HS2ST1: variants seen among roughly 807,000 people sequenced by gnomAD.
The protein encoded by HS2ST1 is heparan sulfate 2-O-sulfotransferase 1, also known as 2-O-sulfotransferase.
Under a neutral mutation model 42.9 loss-of-function variants are expected in HS2ST1, and 18 were observed. The ratio of observed to expected loss-of-function variants is 0.42; its 90% CI spans 0.29 to 0.62. The LOEUF (loss-of-function observed/expected upper bound fraction) is 0.62. Among genes scored for constraint, HS2ST1 ranks in the 20% least tolerant of loss-of-function variants. The pLI is 0.21. For synonymous variants in HS2ST1, 146 were observed against 152.9 expected (o/e 0.95, Z 0.33); for missense variants, 334 against 433.8 (o/e 0.77, Z 2.04).
At position 86,927,683 on chromosome 1, in the gene HS2ST1, C is replaced by T. The variant is rs183192925; in HGVS notation, c.124+12523C>T. On this transcript the variant is annotated intron_variant, in intron 1 of 6. Coordinates refer to ENST00000370550, the MANE Select transcript of HS2ST1 (RefSeq NM_012262.4). Reference sequence around the variant, plus strand: ...AAGGAGAGTTGTGTTGAAAACCCTTCGATTTTTGCTTGGTATGGTTAAGGA... The same window carrying T: ...AAGGAGAGTTGTGTTGAAAACCCTTTGATTTTTGCTTGGTATGGTTAAGGA... 3.8e-3 allele frequency among the ~76,000 whole-genome samples: 571 copies of T among 152,156 alleles called. 5 individuals carry two copies. Among genetic ancestry groups the T allele is most frequent in the Non-Finnish European group, 4.1e-3 (281 of 67,972 alleles).
chr1:87,044,571 A>G (rs961679697), intron 1 of HS2ST1, among the ~76,000 whole-genome samples: 18 of 152,250 alleles, frequency 1.2e-4, no homozygotes, highest in Admixed American at 2.6e-4. Context: ...TTTCTAGCCA[A>G]AAATAAAGGC....
intron 1 of HS2ST1, among the ~76,000 whole-genome samples, chr1:87,056,464 C>T (rs1650971831): frequency 6.6e-6 from 1 of 152,180 alleles, no homozygotes. Flanking sequence ...TCATAGAACA[C>T]TGTTTTTACT....
chr1:87,031,440 A>C lies in HS2ST1; in HGVS notation c.125-41494A>C, dbSNP rs1335280940. Among the ~76,000 whole-genome samples, 3 of 66,434 alleles carry C rather than the reference A, an allele frequency of 4.5e-5. No individual in the cohort carries two copies. In the East Asian group the frequency reaches 9.5e-3, roughly 210 times the overall value. 43.6% of individuals were successfully genotyped at this position (66,434 alleles called of 152,430 possible). A position where few individuals can be genotyped will look rare whatever the true frequency, so the allele number is the denominator to read the frequency against. ...CTGAACTAGATTATTTATAAGATTCATTCTACTCAGAGTGTGGTCCACGGA... is the reference window on the plus strand; with the variant it reads ...CTGAACTAGATTATTTATAAGATTCCTTCTACTCAGAGTGTGGTCCACGGA... On this transcript the variant is annotated intron_variant, in intron 1 of 6. Coordinates refer to ENST00000370550, the MANE Select transcript of HS2ST1 (RefSeq NM_012262.4).
At chr1:87,072,238 A>G (rs748449128) in intron 1 of HS2ST1, among the ~76,000 whole-genome samples, 2 of 152,044 alleles carry the variant, frequency 1.3e-5, no homozygotes, top group Non-Finnish European at 2.9e-5. Context: ...TTATGGTAGT[A>G]TTGTTTCTAC....
At chr1:87,086,263 C>T (rs1651813595) in intron 3 of HS2ST1, among the ~76,000 whole-genome samples, 1 of 152,068 alleles carries the variant, frequency 6.6e-6, no homozygotes, top group Admixed American at 6.6e-5. Context: ...CAAGTCCCTC[C>T]GTTGGCCCTG....
At chr1:86,964,292 G>T (rs1429941931) in intron 1 of HS2ST1, among the ~76,000 whole-genome samples, 1 of 152,188 alleles carries the variant, frequency 6.6e-6, no homozygotes, top group Non-Finnish European at 1.5e-5. Flanking sequence ...CAGGCGGCTG[G>T]GAGGTGGAGG....
chr1:86,976,180 A>G (rs542112591), intron 1 of HS2ST1, among the ~76,000 whole-genome samples: 1 of 152,336 alleles, frequency 6.6e-6, no homozygotes, highest in East Asian at 1.9e-4. Context: ...CTAAGTTGGA[A>G]ACCCTCATGG....
intron 1 of HS2ST1, among the ~76,000 whole-genome samples, chr1:87,010,881 G>C (rs770267098): frequency 6.6e-6 from 1 of 152,048 alleles, no homozygotes; most frequent in Non-Finnish European, 1.5e-5. Context: ...CACTTCCCGG[G>C]TTCAAGCGAT....
At position 87,016,643 on chromosome 1, in the gene HS2ST1, T is replaced by A. The variant is rs561173375; in HGVS notation, c.125-56291T>A. Among the ~76,000 whole-genome samples the A allele has an allele frequency of 9.2e-5, 14 of 152,272 alleles. No individual in the cohort carries two copies. In the East Asian group the frequency reaches 2.7e-3, roughly 29 times the overall value. On this transcript the variant is annotated intron_variant, in intron 1 of 6. Transcript: ENST00000370550. Reference sequence around the variant, plus strand: ...CAATATAATATAGAAGTGAAGTTGGTTTATAATAATAATTCCCAGGACTTC... The same window carrying A: ...CAATATAATATAGAAGTGAAGTTGGATTATAATAATAATTCCCAGGACTTC...
At chr1:86,988,411 A>G (rs1305109463) in intron 1 of HS2ST1, among the ~76,000 whole-genome samples, 2 of 152,236 alleles carry the variant, frequency 1.3e-5, no homozygotes, top group South Asian at 4.1e-4. Context: ...GACTGTTCCC[A>G]TACAGAGTTG....
intron 1 of HS2ST1, among the ~76,000 whole-genome samples, chr1:87,016,151 GTGT>G (rs1363151616): frequency 2.6e-5 from 4 of 152,206 alleles, no homozygotes; most frequent in Admixed American, 6.5e-5. Flanking sequence ...AGGGGTTTTC[GTGT>G]TGTTGTGTGT....
intron 1 of HS2ST1, among the ~76,000 whole-genome samples, chr1:86,923,587 G>A (rs1187267632): frequency 6.6e-6 from 1 of 152,088 alleles, no homozygotes; most frequent in East Asian, 1.9e-4. Context: ...TAGTAGAGAT[G>A]GGGTTTCACT....
chr1:86,938,820 G>A (rs1660707023), intron 1 of HS2ST1, among the ~76,000 whole-genome samples: 1 of 152,144 alleles, frequency 6.6e-6, no homozygotes, highest in African/African-American at 2.4e-5. Flanking sequence ...TGGATTAATT[G>A]ATTCTTAGAG....
At chr1:87,071,444 A>G (rs1311536445) in intron 1 of HS2ST1, among the ~76,000 whole-genome samples, 2 of 152,164 alleles carry the variant, frequency 1.3e-5, no homozygotes, top group Non-Finnish European at 2.9e-5. Context: ...TATTTTTTAA[A>G]AGATAGCCGG....
At chr1:87,100,356 T>G (rs1464313914) in intron 5 of HS2ST1, among the ~76,000 whole-genome samples, 6 of 152,314 alleles carry the variant, frequency 3.9e-5, no homozygotes, top group Non-Finnish European at 7.4e-5. Context: ...TCCTTTGAGC[T>G]GAGGCTGGAA....
chr1:87,055,434 G>A (rs571171233), intron 1 of HS2ST1, among the ~76,000 whole-genome samples: 20 of 152,152 alleles, frequency 1.3e-4, no homozygotes, highest in Non-Finnish European at 1.6e-4. Context: ...TCTCCTTCCA[G>A]TCCCCATGCT....
intron 1 of HS2ST1, among the ~76,000 whole-genome samples, chr1:86,944,634 G>A (rs575528597): frequency 3.3e-5 from 5 of 152,192 alleles, no homozygotes; most frequent in African/African-American, 9.6e-5. Flanking sequence ...GATTACAGGC[G>A]TGAGCCACTG....
chr1:86,957,973 A>G (rs1647722017), intron 1 of HS2ST1, among the ~76,000 whole-genome samples: 1 of 151,976 alleles, frequency 6.6e-6, no homozygotes, highest in Non-Finnish European at 1.5e-5. Context: ...TTGTATTTTT[A>G]GTAAAGACGG....
intron 1 of HS2ST1, among the ~76,000 whole-genome samples, chr1:86,972,515 A>G (rs557817155): frequency 1.3e-5 from 2 of 152,222 alleles, no homozygotes; most frequent in Admixed American, 1.3e-4. Context: ...ACACCTGGCT[A>G]TTTTATTATT....
Sources: gnomAD v4.1 joint callset for allele counts (sites outside exome capture counted in the v4.1 genomes callset) on GRCh38, gnomAD v4.1.1 for gene constraint, MANE v1.5 for transcripts, NCBI Gene and HGNC (gene_info 2026-07-23, HGNC 2026-07-21) for gene names.